Variants in DCLK2 observed in about 807,000 individuals in gnomAD.
DCLK2 encodes the protein doublecortin like kinase 2.
DCLK2 carries 31 observed loss-of-function variants against 78.4 expected under a neutral mutation model. The ratio of observed to expected loss-of-function variants is 0.40; its 90% confidence interval spans 0.30 to 0.53. The LOEUF is 0.53. DCLK2 is among the 20% of genes least tolerant of loss of function. DCLK2 has a pLI of 0.61. For synonymous variants in DCLK2, 407 were observed against 374.9 expected, an observed-to-expected ratio of 1.09 and a Z score of -0.99; for missense variants, 872 against 973.7, an observed-to-expected ratio of 0.90 and a Z score of 1.39.
At chr4:150,102,909 G>A in intron 2 of DCLK2, 97 bp downstream of exon 2, 1 of 1,163,676 alleles carries the variant, frequency 8.6e-7, no homozygotes, top group Non-Finnish European at 1.2e-6. Context: ...TAGTGTGCTA[G>A]AAATCCTTCT....
chr4:150,190,375 A>T (rs1738363945), intron 2 of DCLK2, among the ~76,000 whole-genome samples: 1 of 152,156 alleles, frequency 6.6e-6, no homozygotes, highest in Non-Finnish European at 1.5e-5. Flanking sequence ...TGGTGGTAAG[A>T]ATCAGCTCTG....
chr4:150,119,313 A>C (rs1415469957), intron 2 of DCLK2, among the ~76,000 whole-genome samples: 2 of 152,118 alleles, frequency 1.3e-5, no homozygotes, highest in African/African-American at 2.4e-5. Flanking sequence ...TGAGCGACTT[A>C]TTGTGCATAG....
At chr4:150,184,735 G>A (rs1737788689) in intron 2 of DCLK2, among the ~76,000 whole-genome samples, 1 of 151,908 alleles carries the variant, frequency 6.6e-6, no homozygotes, top group Non-Finnish European at 1.5e-5. Flanking sequence ...CCGAGTAGCT[G>A]GGACTACAGA....
chr4:150,223,778 A>C (rs969237380), intron 7 of DCLK2, among the ~76,000 whole-genome samples: 3 of 119,286 alleles, frequency 2.5e-5, no homozygotes, highest in Non-Finnish European at 5.5e-5. Context: ...AATAAATAAC[A>C]TCAAGATTCT....
intron 5 of DCLK2, 89 bp downstream of exon 5, chr4:150,203,978 A>G (rs77400129): frequency 1.3e-5 from 16 of 1,195,042 alleles, no homozygotes; most frequent in African/African-American, 3.1e-5. Context: ...GGGCTTGAGT[A>G]CAGTAGCAAA....
At chr4:150,134,880 G>T (rs547938536) in intron 2 of DCLK2, among the ~76,000 whole-genome samples, 53 of 152,012 alleles carry the variant, frequency 3.5e-4, no homozygotes, top group Non-Finnish European at 6.9e-4. Context: ...ATTCCTTGCA[G>T]TGTTCCATTT....
chr4:150,127,556 T>C (rs547645022), intron 2 of DCLK2, among the ~76,000 whole-genome samples: 40 of 152,262 alleles, frequency 2.6e-4, no homozygotes, highest in African/African-American at 9.6e-4. Flanking sequence ...TAAGGATATA[T>C]GGGGAGTAAG....
chr4:150,132,948 A>G (rs1733427344), intron 2 of DCLK2, among the ~76,000 whole-genome samples: 2 of 152,164 alleles, frequency 1.3e-5, no homozygotes, highest in Admixed American at 1.3e-4. Flanking sequence ...TCAACCAGTC[A>G]ATATACAAGC....
At chr4:150,179,555 G>A (rs1299867224) in intron 2 of DCLK2, among the ~76,000 whole-genome samples, 3 of 152,120 alleles carry the variant, frequency 2.0e-5, no homozygotes, top group South Asian at 4.2e-4. Context: ...CTACCTGGAT[G>A]TGCTCATTGT....
In DCLK2 at chr4:150,175,011, A is replaced by ATATATATATATAT. The variant is rs1553964170; in HGVS notation, c.757-18127_757-18126insTATATATATATAT. ...AGACTCCGTCGCAAAAAAAAAAAAA[A>ATATATATATATAT]ATATATATATATATATATATATTTA... On this transcript the variant is annotated intron_variant, in intron 2 of 15. Transcript: ENST00000296550. Among the ~76,000 whole-genome samples the ATATATATATATAT allele has an allele frequency of 4.0e-3, 40 of 9,976 alleles. 7 individuals carry two copies. The highest frequency in any genetic ancestry group is 7.0e-3 in the Non-Finnish European group (29 of 4,166). The allele number at this position is 9,976 out of a possible 152,430, so 6.5% of individuals were successfully genotyped here.
intron 2 of DCLK2, among the ~76,000 whole-genome samples, chr4:150,174,908 GA>G (rs1736839105): frequency 7.0e-6 from 1 of 142,864 alleles, no homozygotes; most frequent in South Asian, 2.2e-4. Flanking sequence ...TGAGGCAGGA[GA>G]ATCACTTGAA....
At chr4:150,117,272 G>A (rs1732164890) in intron 2 of DCLK2, among the ~76,000 whole-genome samples, 1 of 152,150 alleles carries the variant, frequency 6.6e-6, no homozygotes, top group Admixed American at 6.5e-5. Context: ...CACGCACTTG[G>A]CAAGGCAGGT....
intron 12 of DCLK2, among the ~76,000 whole-genome samples, chr4:150,241,801 A>G (rs1742946323): frequency 6.6e-6 from 1 of 152,172 alleles, no homozygotes; most frequent in African/African-American, 2.4e-5. Flanking sequence ...CATACAGTGG[A>G]AAGGGCAAGG....
chr4:150,111,982 C>A (rs569048479), intron 2 of DCLK2, among the ~76,000 whole-genome samples: 31 of 151,918 alleles, frequency 2.0e-4, no homozygotes, highest in East Asian at 1.9e-4. Flanking sequence ...TTTTAGGATT[C>A]TTTTTTCTAA....
chr4:150,129,698 G>A (rs919446349), intron 2 of DCLK2, among the ~76,000 whole-genome samples: 1 of 151,566 alleles, frequency 6.6e-6, no homozygotes, highest in Non-Finnish European at 1.5e-5. Context: ...TCAGGCTGGC[G>A]ACAGAGCAAG....
At chr4:150,179,513 G>A (rs528429292) in intron 2 of DCLK2, among the ~76,000 whole-genome samples, 1 of 152,196 alleles carries the variant, frequency 6.6e-6, no homozygotes, top group East Asian at 1.9e-4. Flanking sequence ...CTTAATTGAT[G>A]GTTCTCTTAG....
intron 2 of DCLK2, among the ~76,000 whole-genome samples, chr4:150,127,501 C>G (rs759770397): frequency 5.3e-5 from 8 of 152,072 alleles, no homozygotes; most frequent in Non-Finnish European, 1.0e-4. Flanking sequence ...CAGATGTGGT[C>G]AATGGGAGCT....
At chr4:150,158,787 T>G (rs1156756607) in intron 2 of DCLK2, among the ~76,000 whole-genome samples, 1 of 152,052 alleles carries the variant, frequency 6.6e-6, no homozygotes, top group Non-Finnish European at 1.5e-5. Flanking sequence ...GGTGGATGAA[T>G]TGGATTTTTG....
chr4:150,168,342 A>C (rs1341229734), intron 2 of DCLK2, among the ~76,000 whole-genome samples: 1 of 150,076 alleles, frequency 6.7e-6, no homozygotes, highest in Admixed American at 6.7e-5. Flanking sequence ...GCGAGACTCC[A>C]TCTCAAAAAA....
Sources: allele counts gnomAD v4.1 joint callset (sites outside exome capture counted in the v4.1 genomes callset), GRCh38; gene constraint gnomAD v4.1.1; transcripts MANE v1.5; gene names NCBI Gene and HGNC (gene_info 2026-07-23, HGNC 2026-07-21).